Variants in LARGE1 observed in about 807,000 individuals in gnomAD.
LARGE1 encodes LARGE xylosyl- and glucuronyltransferase 1, also known as xylosyl- and glucuronyltransferase LARGE1.
Under a neutral mutation model 87.6 loss-of-function variants are expected in LARGE1, and 43 were observed. That is an observed-to-expected ratio of 0.49 (90% CI 0.38 to 0.63). LARGE1 has a LOEUF of 0.63. LARGE1 is among the 30% of genes least tolerant of loss of function. The pLI is 0.00. For synonymous variants in LARGE1, 434 were observed against 394.6 expected (o/e 1.10, Z -1.18); for missense variants, 802 against 1,000.2 (o/e 0.80, Z 2.67).
chr22:33,569,553 G>C (rs2078132058), intron 5 of LARGE1, among the ~76,000 whole-genome samples: 1 of 152,216 alleles, frequency 6.6e-6, no homozygotes, highest in Non-Finnish European at 1.5e-5. Context: ...AAGAAATTTG[G>C]TGGTGGGGAA....
intron 5 of LARGE1, among the ~76,000 whole-genome samples, chr22:33,569,641 TC>T (rs905385201): frequency 1.3e-5 from 2 of 151,976 alleles, no homozygotes; most frequent in African/African-American, 4.8e-5. Context: ...CTAGCACTCT[TC>T]CCCCACCTCC....
At chr22:33,520,526 T>C (rs908481829) in intron 6 of LARGE1, among the ~76,000 whole-genome samples, 21 of 152,212 alleles carry the variant, frequency 1.4e-4, no homozygotes, top group African/African-American at 5.1e-4. Context: ...AGTGCTGAGC[T>C]GGGCCATCTC....
chr22:33,487,333 A>C (rs1271299271), intron 6 of LARGE1, among the ~76,000 whole-genome samples: 2 of 152,148 alleles, frequency 1.3e-5, no homozygotes, highest in Non-Finnish European at 2.9e-5. Context: ...TCCTCATCAC[A>C]GGTCTGCTGA....
chr22:33,126,130 C>T, the LARGE1 span, among the ~76,000 whole-genome samples: 1 of 152,164 alleles, frequency 6.6e-6, no homozygotes, highest in Non-Finnish European at 1.5e-5. Flanking sequence ...ATATGAAGAG[C>T]TGTTATATAA....
At position 33,382,030 on chromosome 22, in the gene LARGE1, G is replaced by T. The variant is rs927885509; in HGVS notation, c.1020C>A (p.Ala340=). The part of the protein sequence containing the change: ...TSLADQDIFN[A]VIKQNPFLVY... ...CAAGGAAGGGGTTTTGTTTGATGAC[G>T]GCATTGAAAATATCCTGGGGGATGA... The change falls in exon 9 of 15, where the codon GCC becomes GCA. Residue 340 remains alanine (A), a synonymous_variant. Transcript: ENST00000397394. 1 of 1,614,078 alleles carries T rather than the reference G, an allele frequency of 6.2e-7. No individual in the cohort carries two copies. Among genetic ancestry groups the T allele is most frequent in the South Asian group, 1.1e-5 (1 of 91,080 alleles).
downstream of LARGE1, among the ~76,000 whole-genome samples, chr22:33,270,590 G>A (rs1054728385): frequency 1.3e-5 from 2 of 152,148 alleles, no homozygotes; most frequent in Non-Finnish European, 2.9e-5. Context: ...TAGCTGTGAG[G>A]ATCCATCATT....
chr22:33,223,845 T>C (rs995574860), intron 11 of LARGE1, among the ~76,000 whole-genome samples: 3 of 152,206 alleles, frequency 2.0e-5, no homozygotes, highest in East Asian at 1.9e-4. Context: ...ACAAAGCACC[T>C]GGCCCTGCAG....
At chr22:33,736,964 C>T (rs1402118168) in intron 2 of LARGE1, among the ~76,000 whole-genome samples, 1 of 152,158 alleles carries the variant, frequency 6.6e-6, no homozygotes. Context: ...GCCTCAATGT[C>T]AACAAATGAC....
chr22:33,353,439 A>G (rs1940590384), intron 9 of LARGE1, among the ~76,000 whole-genome samples: 1 of 151,492 alleles, frequency 6.6e-6, no homozygotes, highest in Non-Finnish European at 1.5e-5. Context: ...CTGTAAAAAT[A>G]CACAAAGATA....
the LARGE1 span, among the ~76,000 whole-genome samples, chr22:33,120,580 C>T: frequency 1.4e-4 from 21 of 151,750 alleles, no homozygotes; most frequent in African/African-American, 4.8e-4. Flanking sequence ...GGCATGATCT[C>T]GATTCACTGC....
chr22:33,247,505 C>T (rs955549114), intron 11 of LARGE1, among the ~76,000 whole-genome samples: 5 of 152,112 alleles, frequency 3.3e-5, no homozygotes, highest in South Asian at 4.1e-4. Context: ...CCACAGATCA[C>T]GTAAAAATAT....
At chr22:33,572,022 T>C in intron 5 of LARGE1, 1 of 354,542 alleles carries the variant, frequency 2.8e-6, no homozygotes. Context: ...CTTAATTTTC[T>C]CACCTGTAAA....
chr22:33,874,484 C>G (rs1025189716), intron 1 of LARGE1, among the ~76,000 whole-genome samples: 2 of 152,148 alleles, frequency 1.3e-5, no homozygotes, highest in African/African-American at 4.8e-5. Flanking sequence ...GCAATTTGCT[C>G]AACGAACTGC....
intron 11 of LARGE1, among the ~76,000 whole-genome samples, chr22:33,230,080 T>C (rs2145651507): frequency 6.7e-6 from 1 of 150,276 alleles, no homozygotes; most frequent in African/African-American, 2.4e-5. Flanking sequence ...GGTGCGATCT[T>C]TGCTCACTGC....
At chr22:33,658,009 G>A (rs947724579) in intron 2 of LARGE1, among the ~76,000 whole-genome samples, 1 of 152,004 alleles carries the variant, frequency 6.6e-6, no homozygotes, top group Non-Finnish European at 1.5e-5. Context: ...GGCAGAGGGA[G>A]AGTCTTGAAC....
At chr22:33,914,031 A>G (rs2065713707) in intron 1 of LARGE1, among the ~76,000 whole-genome samples, 1 of 152,232 alleles carries the variant, frequency 6.6e-6, no homozygotes. Context: ...ATTTAGTTTT[A>G]AGATCACATT....
intron 6 of LARGE1, among the ~76,000 whole-genome samples, chr22:33,496,487 G>A (rs755882726): frequency 2.0e-5 from 3 of 152,036 alleles, no homozygotes; most frequent in Non-Finnish European, 4.4e-5. Flanking sequence ...CAGCAAGAAG[G>A]GTAATCCAAG....
intron 11 of LARGE1, among the ~76,000 whole-genome samples, chr22:33,179,136 A>C (rs139519374): frequency 6.6e-6 from 1 of 152,160 alleles, no homozygotes; most frequent in African/African-American, 2.4e-5. Context: ...TTACTTCTCC[A>C]TTATCCCACC....
At chr22:33,647,433 A>G (rs1272364434) in intron 3 of LARGE1, among the ~76,000 whole-genome samples, 1 of 152,230 alleles carries the variant, frequency 6.6e-6, no homozygotes, top group Non-Finnish European at 1.5e-5. Context: ...GTCCCACCTT[A>G]ACACTTCTTT....
Sources: allele counts gnomAD v4.1 joint callset (sites outside exome capture counted in the v4.1 genomes callset), GRCh38; gene constraint gnomAD v4.1.1; transcripts MANE v1.5; gene names NCBI Gene and HGNC (gene_info 2026-07-23, HGNC 2026-07-21).